HDAC9: variants seen among roughly 807,000 people sequenced by gnomAD.
HDAC9 encodes histone deacetylase 9.
Under a neutral mutation model 139.4 loss-of-function variants are expected in HDAC9, and 41 were observed. The ratio of observed to expected loss-of-function variants is 0.29; its 90% CI spans 0.23 to 0.38. The LOEUF is 0.38. HDAC9 is among the 10% of genes least tolerant of loss of function. The pLI is 1.00. For missense variants in HDAC9, 1,147 were observed against 1,297.0 expected, an observed-to-expected ratio of 0.88 and a Z score of 1.78; for synonymous variants, 517 against 476.2, an observed-to-expected ratio of 1.09 and a Z score of -1.12.
chr7:18,829,717 TA>T (rs1165894507), intron 19 of HDAC9, among the ~76,000 whole-genome samples, 169 bp downstream of exon 19: 2 of 152,234 alleles, frequency 1.3e-5, no homozygotes, highest in African/African-American at 4.8e-5. Flanking sequence ...TCTGAAACCA[TA>T]AACATTCACG....
intron 2 of HDAC9, among the ~76,000 whole-genome samples, chr7:18,192,726 A>T (rs1345406592): frequency 6.6e-6 from 1 of 152,222 alleles, no homozygotes; most frequent in Admixed American, 6.5e-5. Context: ...AGTAGGTTGC[A>T]ATTCAACAAT....
chr7:18,961,101 G>T (rs555905838), intron 24 of HDAC9, among the ~76,000 whole-genome samples: 16 of 151,362 alleles, frequency 1.1e-4, no homozygotes, highest in Non-Finnish European at 1.5e-5. Flanking sequence ...CCTTTTTTTC[G>T]TATGTCTCTT....
At chr7:18,174,161 T>A (rs1788689513) in intron 2 of HDAC9, among the ~76,000 whole-genome samples, 1 of 152,216 alleles carries the variant, frequency 6.6e-6, no homozygotes, top group Non-Finnish European at 1.5e-5. Flanking sequence ...TACTCTTTTT[T>A]TCTGTAAATT....
At chr7:18,781,544 T>A (rs1387798523) in intron 16 of HDAC9, among the ~76,000 whole-genome samples, 1 of 152,120 alleles carries the variant, frequency 6.6e-6, no homozygotes, top group Non-Finnish European at 1.5e-5. Context: ...TGACCAAAGA[T>A]ATTTACTTTT....
At chr7:18,423,987 A>G (rs1317380640) in intron 1 of HDAC9, among the ~76,000 whole-genome samples, 3 of 152,216 alleles carry the variant, frequency 2.0e-5, no homozygotes, top group Non-Finnish European at 4.4e-5. Context: ...AATATTTTGA[A>G]TAGAAGGAGA....
chr7:18,411,178 A>G (rs1788509395), intron 1 of HDAC9, among the ~76,000 whole-genome samples: 1 of 152,154 alleles, frequency 6.6e-6, no homozygotes, highest in Non-Finnish European at 1.5e-5. Flanking sequence ...GAAAGCTGCA[A>G]GTCAGTCCAC....
chr7:18,113,423 A>G (rs920615819), intron 1 of HDAC9, among the ~76,000 whole-genome samples: 2 of 152,172 alleles, frequency 1.3e-5, no homozygotes, highest in African/African-American at 4.8e-5. Context: ...TATTTCTTTT[A>G]CTTAGCTTTG....
At chr7:18,993,305 A>G (rs368945865) in intron 25 of HDAC9, among the ~76,000 whole-genome samples, 3 of 152,222 alleles carry the variant, frequency 2.0e-5, no homozygotes, top group African/African-American at 2.4e-5. Flanking sequence ...ACTCGTTTCA[A>G]TTCTCATAAC....
chr7:18,562,030 T>C (rs944153036), intron 2 of HDAC9, among the ~76,000 whole-genome samples: 4 of 152,178 alleles, frequency 2.6e-5, no homozygotes, highest in Admixed American at 2.6e-4. Context: ...GCCATTCTAG[T>C]GCATGTGAAG....
chr7:18,699,334 C>T (rs990894267), intron 12 of HDAC9, among the ~76,000 whole-genome samples: 7 of 151,806 alleles, frequency 4.6e-5, no homozygotes, highest in Non-Finnish European at 7.4e-5. Flanking sequence ...GCACAGAGAG[C>T]AGTGTGGGCA....
At chr7:18,566,795 C>A (rs1016799433) in intron 2 of HDAC9, among the ~76,000 whole-genome samples, 2 of 152,134 alleles carry the variant, frequency 1.3e-5, no homozygotes, top group Non-Finnish European at 2.9e-5. Context: ...AACTGTATCC[C>A]ATGCTTGTGA....
chr7:18,413,802 T>C (rs1045961190), intron 1 of HDAC9, among the ~76,000 whole-genome samples: 7 of 152,142 alleles, frequency 4.6e-5, no homozygotes, highest in Non-Finnish European at 7.4e-5. Flanking sequence ...GGCTGGTGTT[T>C]TTTGCTGCCT....
intron 2 of HDAC9, among the ~76,000 whole-genome samples, chr7:18,193,787 G>A (rs1489349479): frequency 6.6e-6 from 1 of 152,124 alleles, no homozygotes; most frequent in African/African-American, 2.4e-5. Context: ...CAGGGCCAAG[G>A]GGGCCGACTT....
At chr7:18,373,530 T>G (rs1474392945) in intron 1 of HDAC9, among the ~76,000 whole-genome samples, 1 of 152,218 alleles carries the variant, frequency 6.6e-6, no homozygotes, top group Admixed American at 6.5e-5. Flanking sequence ...TCCAAGTAAT[T>G]CAGACATCCT....
chr7:18,274,919 A>G (rs1426779352), intron 2 of HDAC9, among the ~76,000 whole-genome samples: 1 of 152,156 alleles, frequency 6.6e-6, no homozygotes, highest in Non-Finnish European at 1.5e-5. Flanking sequence ...GAGGGATGCA[A>G]TGAAGCTTCA....
intron 13 of HDAC9, among the ~76,000 whole-genome samples, chr7:18,732,470 G>GTATA (rs56901819): frequency 0.69 from 102,629 of 149,332 alleles, 36,032 homozygotes; most frequent in East Asian, 0.83. Flanking sequence ...TTGTATGTGT[G>GTATA]TATATACAGT....
intron 21 of HDAC9, among the ~76,000 whole-genome samples, chr7:18,872,560 T>A (rs1475765067): frequency 6.6e-6 from 1 of 152,134 alleles, no homozygotes; most frequent in African/African-American, 2.4e-5. Flanking sequence ...GTTGGTATTT[T>A]CTGCTTTTTC....
At chr7:18,141,604 G>T (rs1478160398) in intron 1 of HDAC9, among the ~76,000 whole-genome samples, 2 of 152,108 alleles carry the variant, frequency 1.3e-5, no homozygotes, top group Non-Finnish European at 2.9e-5. Context: ...TTAAACTGCT[G>T]GGGCACTTGG....
chr7:18,643,917 GC>G (rs1176249116), intron 8 of HDAC9, among the ~76,000 whole-genome samples: 1 of 151,930 alleles, frequency 6.6e-6, no homozygotes, highest in Non-Finnish European at 1.5e-5. Flanking sequence ...TGGGAGGGAG[GC>G]AAGAGTTAAA....
Sources: allele counts gnomAD v4.1 joint callset (sites outside exome capture counted in the v4.1 genomes callset), GRCh38; gene constraint gnomAD v4.1.1; transcripts MANE v1.5; gene names NCBI Gene and HGNC (gene_info 2026-07-23, HGNC 2026-07-21).